SORCS1: variants seen among roughly 807,000 people sequenced by gnomAD.
SORCS1 encodes sortilin related VPS10 domain containing receptor 1.
SORCS1 carries 60 observed loss-of-function variants against 146.1 expected under a neutral mutation model. The observed-to-expected ratio is 0.41, with a 90% CI of 0.33 to 0.51. SORCS1 has a LOEUF of 0.51. SORCS1 is among the 20% of genes least tolerant of loss of function. The pLI is 0.21. For missense variants in SORCS1, 1,352 were observed against 1,487.6 expected (o/e 0.91, Z 1.50); for synonymous variants, 637 against 584.0 (o/e 1.09, Z -1.31).
intron 25 of SORCS1, chr10:106,578,677 G>C (rs1470550278): frequency 3.0e-6 from 3 of 1,013,568 alleles, no homozygotes. Flanking sequence ...ATCCAGTTGA[G>C]GCTACCATGT....
chr10:106,678,428 T>C (rs1852198127), intron 12 of SORCS1, among the ~76,000 whole-genome samples: 1 of 152,158 alleles, frequency 6.6e-6, no homozygotes, highest in African/African-American at 2.4e-5. Context: ...AGCTAAGAAA[T>C]GGCATTTGGA....
rs1215192975 is a variant in SORCS1, at chr10:106,703,924, C to T, written c.1233+2621G>A. ...TTTTCTGGGAACAAGCTAAATTAAT[C>T]ACTGCATTCTACCCTCAGAACCCAG... is the stretch of plus-strand genomic sequence containing the variant. On this transcript the variant is annotated intron_variant, in intron 8 of 25. Transcript: ENST00000263054. Among the ~76,000 whole-genome samples the T allele has an allele frequency of 2.6e-5, 4 of 152,210 alleles. No homozygotes were observed. The East Asian group carries it at 7.7e-4, about 29-fold the overall frequency.
chr10:107,087,023 G>A (rs140180656), intron 1 of SORCS1, among the ~76,000 whole-genome samples: 17 of 152,306 alleles, frequency 1.1e-4, no homozygotes, highest in Non-Finnish European at 1.8e-4. Flanking sequence ...GCGTGACTTC[G>A]TCTCAAAACA....
intron 1 of SORCS1, among the ~76,000 whole-genome samples, chr10:107,113,489 C>T (rs1365943984): frequency 6.6e-6 from 1 of 151,650 alleles, no homozygotes; most frequent in Non-Finnish European, 1.5e-5. Context: ...GAGGTCAAGA[C>T]CATCATCCTG....
At chr10:106,808,603 C>T (rs1314501792) in intron 3 of SORCS1, among the ~76,000 whole-genome samples, 1 of 151,818 alleles carries the variant, frequency 6.6e-6, no homozygotes, top group African/African-American at 2.4e-5. Context: ...CCCGGGTTCA[C>T]ACCATTCTCC....
chr10:107,096,849 G>A (rs972068816), intron 1 of SORCS1, among the ~76,000 whole-genome samples: 3 of 151,976 alleles, frequency 2.0e-5, no homozygotes, highest in East Asian at 1.9e-4. Flanking sequence ...CTAACAAAAC[G>A]GATCATCAAC....
At chr10:106,611,813 A>T (rs202245886) in intron 22 of SORCS1, 98 bp downstream of exon 22, 17 of 787,534 alleles carry the variant, frequency 2.2e-5, no homozygotes, top group South Asian at 3.4e-5. Context: ...CTGCTGGGTT[A>T]GTTTGTTTGT....
chr10:107,107,077 C>T (rs547864986), intron 1 of SORCS1, among the ~76,000 whole-genome samples: 1 of 152,280 alleles, frequency 6.6e-6, no homozygotes, highest in South Asian at 2.1e-4. Context: ...GAAACTGTTA[C>T]CCAGAACTAG....
chr10:107,036,111 A>G (rs1005710398), intron 1 of SORCS1, among the ~76,000 whole-genome samples: 2 of 151,966 alleles, frequency 1.3e-5, no homozygotes, highest in Non-Finnish European at 2.9e-5. Context: ...GTTTCATTTG[A>G]TCCAGCCTGC....
At chr10:107,054,347 G>A (rs1590030729) in intron 1 of SORCS1, among the ~76,000 whole-genome samples, 1 of 152,100 alleles carries the variant, frequency 6.6e-6, no homozygotes, top group African/African-American at 2.4e-5. Context: ...TTTTAAAAAA[G>A]GTATATGTAA....
chr10:106,606,968 T>G (rs1846642429), intron 23 of SORCS1, among the ~76,000 whole-genome samples, 198 bp downstream of exon 23: 1 of 152,242 alleles, frequency 6.6e-6, no homozygotes, highest in Admixed American at 6.5e-5. Context: ...ACCCCCTTTA[T>G]AAATTACCCA....
chr10:106,660,106 G>A (rs1429293503), intron 17 of SORCS1, among the ~76,000 whole-genome samples: 1 of 152,094 alleles, frequency 6.6e-6, no homozygotes, highest in African/African-American at 2.4e-5. Flanking sequence ...TCCTTGAGAG[G>A]AGATCAGACC....
At chr10:106,713,334 T>C (rs947760817) in intron 6 of SORCS1, among the ~76,000 whole-genome samples, 1 of 152,228 alleles carries the variant, frequency 6.6e-6, no homozygotes, top group African/African-American at 2.4e-5. Flanking sequence ...GACCTTCAAA[T>C]TACAAATACA....
intron 3 of SORCS1, among the ~76,000 whole-genome samples, chr10:106,808,534 G>A (rs561193191): frequency 3.9e-5 from 6 of 152,012 alleles, no homozygotes; most frequent in East Asian, 3.9e-4. Flanking sequence ...GCGGAGTGTC[G>A]CTCTGTCGCC....
chr10:106,893,568 G>A (rs550022931), intron 2 of SORCS1, among the ~76,000 whole-genome samples: 1 of 152,180 alleles, frequency 6.6e-6, no homozygotes, highest in East Asian at 1.9e-4. Context: ...TTTACACACC[G>A]AAAATTATAA....
intron 17 of SORCS1, among the ~76,000 whole-genome samples, chr10:106,665,388 CTTTT>C (rs35223659): frequency 7.4e-6 from 1 of 134,988 alleles, no homozygotes; most frequent in African/African-American, 2.8e-5. Flanking sequence ...TTCTCTCTCT[CTTTT>C]TTTTTTTTTT....
intron 18 of SORCS1, among the ~76,000 whole-genome samples, chr10:106,640,165 T>A (rs1848980958): frequency 6.6e-6 from 1 of 152,168 alleles, no homozygotes; most frequent in South Asian, 2.1e-4. Context: ...GTGAGTATCT[T>A]GAAGAAATTT....
chr10:106,658,506 T>C (rs1850478823), intron 17 of SORCS1, among the ~76,000 whole-genome samples: 1 of 152,164 alleles, frequency 6.6e-6, no homozygotes. Context: ...ATAAATAGTT[T>C]AATTTCTTGG....
intron 19 of SORCS1, among the ~76,000 whole-genome samples, chr10:106,624,602 C>G (rs1168239552): frequency 6.6e-6 from 1 of 152,040 alleles, no homozygotes. Flanking sequence ...CTCAGGTGAT[C>G]TGCCTGACTC....
Sources: gnomAD v4.1 joint callset for allele counts (sites outside exome capture counted in the v4.1 genomes callset) on GRCh38, gnomAD v4.1.1 for gene constraint, MANE v1.5 for transcripts, NCBI Gene and HGNC (gene_info 2026-07-23, HGNC 2026-07-21) for gene names.